OSBPL1A: variants seen among roughly 807,000 people sequenced by gnomAD.
The protein encoded by OSBPL1A is oxysterol-binding protein-related protein 1.
Under a neutral mutation model 137.1 loss-of-function variants are expected in OSBPL1A, and 80 were observed. The observed-to-expected ratio is 0.58, with a 90% CI of 0.49 to 0.70. OSBPL1A has a LOEUF of 0.70. OSBPL1A is among the 30% of genes least tolerant of loss of function. The pLI is 0.00. For synonymous variants in OSBPL1A, 365 were observed against 389.7 expected, an observed-to-expected ratio of 0.94 and a Z score of 0.75; for missense variants, 970 against 1,129.4, an observed-to-expected ratio of 0.86 and a Z score of 2.02.
chr18:24,306,936 A>G (rs759774652), intron 13 of OSBPL1A, among the ~76,000 whole-genome samples: 35 of 151,780 alleles, frequency 2.3e-4, no homozygotes, highest in Non-Finnish European at 4.3e-4. Context: ...AGTCTTCCTA[A>G]CTCCAGCCAA....
chr18:24,226,144 T>C (rs946745241), intron 16 of OSBPL1A, among the ~76,000 whole-genome samples: 1 of 152,140 alleles, frequency 6.6e-6, no homozygotes. Context: ...ATCTGCCAGT[T>C]TGGGAAGAAG....
chr18:24,317,454 T>C, intron 9 of OSBPL1A, 54 bp from the exon 10 acceptor site: 2 of 1,373,500 alleles, frequency 1.5e-6, no homozygotes, highest in Non-Finnish European at 2.1e-6. Context: ...ATTCAAATGC[T>C]TGACTGATAA....
rs188117430 is a variant in OSBPL1A, at chr18:24,209,178, C to T, written c.1602-12978G>A. Among the ~76,000 whole-genome samples, 19 of 152,208 alleles carry T rather than the reference C, an allele frequency of 1.2e-4. No homozygotes were observed. The East Asian group carries it at 2.7e-3, about 22-fold the overall frequency. On this transcript the variant is annotated intron_variant, in intron 17 of 27. Transcript: ENST00000319481. Reference sequence around the variant, plus strand: ...CAACTAAGAGAAAATACTCATGATACGTGTATTTGATAGAGGATTAGTATC... The same window carrying T: ...CAACTAAGAGAAAATACTCATGATATGTGTATTTGATAGAGGATTAGTATC...
At chr18:24,393,994 CAA>C (rs150613044) in intron 1 of OSBPL1A, among the ~76,000 whole-genome samples, 1,957 of 152,258 alleles carry the variant, frequency 0.013, 37 homozygotes, top group African/African-American at 0.044. Context: ...AGTTATAAGA[CAA>C]AATTTTAATC....
At chr18:24,375,967 C>A (rs1316213658) in intron 2 of OSBPL1A, among the ~76,000 whole-genome samples, 1 of 152,030 alleles carries the variant, frequency 6.6e-6, no homozygotes, top group Admixed American at 6.6e-5. Context: ...TCCCGGTGGG[C>A]TCGTGGTCTC....
intron 17 of OSBPL1A, among the ~76,000 whole-genome samples, chr18:24,219,618 A>C (rs1348792305): frequency 1.3e-5 from 2 of 152,136 alleles, no homozygotes; most frequent in Admixed American, 1.3e-4. Flanking sequence ...GATGAGAACA[A>C]GCGCTTGGAG....
intron 15 of OSBPL1A, among the ~76,000 whole-genome samples, chr18:24,254,917 T>C (rs1196554850): frequency 6.6e-6 from 1 of 152,134 alleles, no homozygotes. Context: ...AAAAGATGGT[T>C]TTTTGAAAAG....
chr18:24,371,714 A>T (rs2146199082), intron 2 of OSBPL1A, among the ~76,000 whole-genome samples: 1 of 152,010 alleles, frequency 6.6e-6, no homozygotes, highest in South Asian at 2.1e-4. Context: ...TCTACCTAAC[A>T]TTCCTTCCTG....
rs2089726711 is a variant in OSBPL1A at position 24,271,802 on chromosome 18, C to A, written c.1281+9040G>T. On this transcript the variant is annotated intron_variant, in intron 15 of 27. Transcript: ENST00000319481. This position sits in a 1 kb window ranked among gnomAD's most constrained non-coding sequence, Gnocchi z 4.0. The stretch of plus-strand genomic sequence containing the variant: ...CCCTAAGTCACCTTTGCGCAGCCTG[C>A]CCCTGGCTCCGGCCGGGCAGCAGCG... 1 of 985,282 alleles carries A rather than the reference C, an allele frequency of 1.0e-6. No individual in the cohort carries two copies. Among genetic ancestry groups the A allele is most frequent in the South Asian group, 4.7e-5 (1 of 21,296 alleles). The allele number at this position is 985,282 out of a possible 1,614,324, so 61.0% of individuals were successfully genotyped here. A position where few individuals can be genotyped will look rare whatever the true frequency, so the allele number is the denominator to read the frequency against.
rs2090643364 is a variant in OSBPL1A, at chr18:24,312,822, G to A, written c.970-716C>T. 5.9e-5 allele frequency among the ~76,000 whole-genome samples: 9 copies of A among 152,272 alleles called. No homozygotes were observed. In the South Asian group the frequency reaches 1.9e-3, roughly 32 times the overall value. On this transcript the variant is annotated intron_variant, in intron 12 of 27. Transcript: ENST00000319481. ...TACCAAAAAATCAAGATATGTCTATGAACACTGCTTTGATTTAAAAGAATA... is the reference window on the plus strand; with the variant it reads ...TACCAAAAAATCAAGATATGTCTATAAACACTGCTTTGATTTAAAAGAATA...
intron 2 of OSBPL1A, among the ~76,000 whole-genome samples, chr18:24,371,019 A>C (rs1905588494): frequency 6.6e-6 from 1 of 152,102 alleles, no homozygotes; most frequent in Non-Finnish European, 1.5e-5. Context: ...TTCCTTCAAT[A>C]AATTCAGTGT....
rs768357149 is a variant in OSBPL1A at position 24,171,438 on chromosome 18, G to C, written c.2262C>G (p.His754Gln). ...KPCGLFGKEL[H>Q]KVEGYIQDKS... Reference sequence around the variant, plus strand: ...TATCTTGAATGTAGCCTTCAACTTTGTGTAATTCCTTACCAAAAAGGCCAC... The same window carrying C: ...TATCTTGAATGTAGCCTTCAACTTTCTGTAATTCCTTACCAAAAAGGCCAC... Residue 754 changes from histidine (H) to glutamine (Q), a missense_variant, in exon 23 of 28, where the codon CAC becomes CAG. His to Gln is a conservative substitution (Grantham distance 24). Transcript: ENST00000319481. 1.2e-6 allele frequency: 2 copies of C among 1,613,598 alleles called. No homozygotes were observed. Among genetic ancestry groups the C allele is most frequent in the Non-Finnish European group, 1.7e-6 (2 of 1,179,724 alleles).
At chr18:24,195,319 GA>G (rs990822814) in intron 18 of OSBPL1A, among the ~76,000 whole-genome samples, 2 of 151,778 alleles carry the variant, frequency 1.3e-5, no homozygotes, top group Non-Finnish European at 2.9e-5. Context: ...GAAATGAAAT[GA>G]AAAAAGAAAG....
At chr18:24,223,284 T>A (rs1317633266) in intron 17 of OSBPL1A, among the ~76,000 whole-genome samples, 1 of 152,122 alleles carries the variant, frequency 6.6e-6, no homozygotes, top group East Asian at 1.9e-4. Flanking sequence ...CTGTGGCATA[T>A]GCTCTATCTA....
At chr18:24,201,415 G>A (rs1291423736) in intron 17 of OSBPL1A, among the ~76,000 whole-genome samples, 1 of 152,180 alleles carries the variant, frequency 6.6e-6, no homozygotes, top group East Asian at 1.9e-4. Flanking sequence ...AGTTGTGAAG[G>A]TCAAGAGATC....
chr18:24,282,763 T>C (rs534700315), intron 14 of OSBPL1A, among the ~76,000 whole-genome samples: 1 of 152,076 alleles, frequency 6.6e-6, no homozygotes, highest in African/African-American at 2.4e-5. Context: ...AGTCTTTTCA[T>C]CAAAAAATAA....
At chr18:24,270,142 T>C (rs2089682179) in intron 15 of OSBPL1A, among the ~76,000 whole-genome samples, 1 of 152,230 alleles carries the variant, frequency 6.6e-6, no homozygotes, top group South Asian at 2.1e-4. Flanking sequence ...CTTATAATTC[T>C]CAGAAAGCTG....
Position 24,196,119 on chromosome 18 carries a change from A to C in OSBPL1A, c.1677+6T>G. On this transcript the variant is annotated splice_donor_region_variant and intron_variant, in intron 18 of 27. Coordinates refer to ENST00000319481, the MANE Select transcript of OSBPL1A (RefSeq NM_080597.4). ...TTAATATCATATGACAAAACCATTA[A>C]TTTACCATTCCAATACATTTTCTGA... is the stretch of plus-strand genomic sequence containing the variant. The C allele has an allele frequency of 6.2e-7, 1 of 1,602,668 alleles. No homozygotes were observed. Among genetic ancestry groups the C allele is most frequent in the South Asian group, 1.1e-5 (1 of 90,670 alleles).
chr18:24,271,760 G>A lies in OSBPL1A; in HGVS notation c.1281+9082C>T. 1 of 985,528 alleles carries A rather than the reference G, an allele frequency of 1.0e-6. No homozygotes were observed. Among genetic ancestry groups the A allele is most frequent in the Non-Finnish European group, 1.2e-6 (1 of 830,058 alleles). The allele number at this position is 985,528 out of a possible 1,614,324, so 61.0% of individuals were successfully genotyped here. ...AGCCGATCCGGGAGGCGCGACCCAG[G>A]GCGGCCCGCAAGGTCTCCCTAAGTC... On this transcript the variant is annotated intron_variant, in intron 15 of 27. Transcript: ENST00000319481. This position sits in a 1 kb window ranked among gnomAD's most constrained non-coding sequence, Gnocchi z 4.0.
Sources: allele counts gnomAD v4.1 joint callset (sites outside exome capture counted in the v4.1 genomes callset), GRCh38; gene constraint gnomAD v4.1.1; non-coding constraint Gnocchi (gnomAD v3.1); transcripts MANE v1.5; gene names NCBI Gene and HGNC (gene_info 2026-07-23, HGNC 2026-07-21).